PCDHGA6: variants seen among roughly 807,000 people sequenced by gnomAD.
The protein encoded by PCDHGA6 is protocadherin gamma subfamily A, 6.
A neutral mutation model predicts 60.6 loss-of-function variants in PCDHGA6; 41 were observed. The observed-to-expected ratio is 0.68, with a 90% CI of 0.53 to 0.88. The LOEUF is 0.88. Among genes scored for constraint, PCDHGA6 ranks in the 40% least tolerant of loss-of-function variants. The pLI, the probability that PCDHGA6 is intolerant of heterozygous loss-of-function variation, is 0.00. For missense variants in PCDHGA6, 1,312 were observed against 1,203.0 expected (o/e 1.09, Z -1.34); for synonymous variants, 594 against 524.4 (o/e 1.13, Z -1.81).
rs112078596 is a variant in PCDHGA6, at chr5:141,490,350, G to A, written c.2425-4457G>A. ...GCACACCAGTGGGCACAGTAGTGGG[G>A]TTGTTTAATGTGCGAGACCGGGACT... On this transcript the variant is annotated intron_variant, in intron 1 of 3. Coordinates refer to ENST00000517434, the MANE Select transcript of PCDHGA6 (RefSeq NM_018919.3). The surrounding 1 kb of genome is among the most constrained non-coding windows in gnomAD (Gnocchi z 5.4). 3.5e-5 allele frequency: 57 copies of A among 1,614,086 alleles called. No homozygotes were observed. The highest frequency in any genetic ancestry group is 4.6e-5 in the Non-Finnish European group (54 of 1,180,042).
chr5:141,438,619 TATATATATATATATATACACAC>T (rs1408639052), intron 1 of PCDHGA6, among the ~76,000 whole-genome samples: 61 of 39,666 alleles, frequency 1.5e-3, no homozygotes, highest in African/African-American at 9.2e-3. Context: ...TATATATATA[TATATATATATATATATACACAC>T]ACACACACAC....
At chr5:141,415,641 T>TA (rs113784532) in intron 1 of PCDHGA6, 91,654 of 1,192,004 alleles carry the variant, frequency 0.077, 689 homozygotes, top group South Asian at 0.099. Context: ...TTACTTTTGT[T>TA]AAAAAAAAAA....
At chr5:141,501,016 G>A (rs1042009106) in intron 2 of PCDHGA6, among the ~76,000 whole-genome samples, 7 of 151,716 alleles carry the variant, frequency 4.6e-5, no homozygotes, top group Non-Finnish European at 1.0e-4. Context: ...CTACAGGCAC[G>A]CGCCACCACG....
At position 141,375,109 on chromosome 5, in the gene PCDHGA6, T is replaced by C. The variant is rs199796645; in HGVS notation, c.1026T>C (p.Asp342=). The C allele has an allele frequency of 4.0e-5, 65 of 1,613,834 alleles. No individual in the cohort carries two copies. The highest frequency in any genetic ancestry group is 5.3e-5 in the Non-Finnish European group (62 of 1,179,894). The change falls in exon 1 of 4, where the codon GAT becomes GAC. Residue 342 remains aspartate (D), a synonymous_variant. Coordinates refer to ENST00000517434, the MANE Select transcript of PCDHGA6 (RefSeq NM_018919.3). ...KVLITILDVN[D]NVPEVVVTSG... ...TAATAACTATCTTGGATGTCAATGA[T>C]AATGTACCAGAAGTGGTTGTTACAT...
intron 2 of PCDHGA6, among the ~76,000 whole-genome samples, chr5:141,499,301 TC>T (rs771049830): frequency 6.6e-6 from 1 of 152,166 alleles, no homozygotes; most frequent in Non-Finnish European, 1.5e-5. Context: ...CTACCATCCC[TC>T]CTCTGAGAGA....
chr5:141,376,761 A>G (rs1179580742), intron 1 of PCDHGA6: 1 of 431,306 alleles, frequency 2.3e-6, no homozygotes, highest in African/African-American at 2.3e-5. Flanking sequence ...ATCTCGGCTC[A>G]CTGCAAGCTC....
intron 1 of PCDHGA6, chr5:141,414,361 T>G: frequency 6.2e-7 from 1 of 1,613,876 alleles, no homozygotes; most frequent in Non-Finnish European, 8.5e-7. Context: ...GTATCTACCA[T>G]TTAAATTAGA....
chr5:141,475,616 G>A (rs2099366026), intron 1 of PCDHGA6, among the ~76,000 whole-genome samples: 1 of 152,206 alleles, frequency 6.6e-6, no homozygotes, highest in Admixed American at 6.5e-5. Flanking sequence ...GTAGTTTTCG[G>A]TTTGGTTCGA....
chr5:141,455,855 C>A (rs1267803457), intron 1 of PCDHGA6, among the ~76,000 whole-genome samples: 4 of 147,088 alleles, frequency 2.7e-5, no homozygotes, highest in African/African-American at 1.0e-4. Flanking sequence ...AAAATAATTT[C>A]TTTTATTATT....
intron 1 of PCDHGA6, among the ~76,000 whole-genome samples, chr5:141,426,005 G>A (rs189148799): frequency 4.1e-4 from 63 of 152,202 alleles, no homozygotes; most frequent in Admixed American, 2.1e-3. Flanking sequence ...AAAGGCTTCC[G>A]GCTGCAGTTT....
At chr5:141,400,467 ATCTGGGGCCTTATT>A in intron 1 of PCDHGA6, 1 of 1,614,042 alleles carries the variant, frequency 6.2e-7, no homozygotes, top group Non-Finnish European at 8.5e-7. Flanking sequence ...GTGGTGATTC[ATCTGGGGCCTTATT>A]TCCACTTTGT....
In PCDHGA6 at chr5:141,374,222, A is replaced by G. The variant is rs1770285698; in HGVS notation, c.139A>G (p.Asn47Asp). 1.2e-6 allele frequency: 2 copies of G among 1,613,902 alleles called. No individual in the cohort carries two copies. The highest frequency in any genetic ancestry group is 1.1e-5 in the South Asian group (1 of 91,094). The change falls in exon 1 of 4, where the codon AAC (asparagine) becomes GAC (aspartate). Residue 47 changes from asparagine (N) to aspartate (D), a missense_variant. By Grantham distance (23) the Asn-to-Asp change is conservative. Coordinates refer to ENST00000517434, the MANE Select transcript of PCDHGA6 (RefSeq NM_018919.3). ...GCTGGAGAAAGGCTCCTTCGTAGGC[A>G]ACATCGTCAAGGATCTGGGACTGGA... The part of the protein sequence containing the change: ...EELEKGSFVG[N>D]IVKDLGLEPQ...
At chr5:141,384,748 T>C in intron 1 of PCDHGA6, 1 of 1,613,966 alleles carries the variant, frequency 6.2e-7, no homozygotes, top group African/African-American at 1.3e-5. Flanking sequence ...GCCAGGACTC[T>C]TTGCGGTTGG....
chr5:141,457,635 T>G (rs1242403589), intron 1 of PCDHGA6, among the ~76,000 whole-genome samples: 2 of 152,270 alleles, frequency 1.3e-5, no homozygotes, highest in African/African-American at 4.8e-5. Flanking sequence ...ATACTTGGCC[T>G]GATTATTTGC....
At position 141,427,886 on chromosome 5, in the gene PCDHGA6, C is replaced by T. The variant is rs908553179; in HGVS notation, c.2424+51379C>T. The T allele has an allele frequency of 1.9e-6, 3 of 1,565,276 alleles. 1 individual carries two copies. On this transcript the variant is annotated intron_variant, in intron 1 of 3. Coordinates refer to ENST00000517434, the MANE Select transcript of PCDHGA6 (RefSeq NM_018919.3). ...TCGAGCTCACGATGCAGGCCCACGA[C>T]CAGGGCTCGCCCGCGCTCAGCGCCA...
Position 141,390,370 on chromosome 5 carries a change from A to T in PCDHGA6, c.2424+13863A>T, listed in dbSNP as rs1252386186. On this transcript the variant is annotated intron_variant, in intron 1 of 3. Coordinates refer to ENST00000517434, the MANE Select transcript of PCDHGA6 (RefSeq NM_018919.3). ...AATATACATATTTGCAGGAAAATAT[A>T]TAATTTTTAGATGTCATGGATCATT... 4 of 1,504,066 alleles carry T rather than the reference A, an allele frequency of 2.7e-6. No individual in the cohort carries two copies. In the African/African-American group the frequency reaches 4.2e-5, roughly 16 times the overall value. The allele number at this position is 1,504,066 out of a possible 1,614,324, so 93.2% of individuals were successfully genotyped here. A position where few individuals can be genotyped will look rare whatever the true frequency, so the allele number is the denominator to read the frequency against.
Position 141,504,677 on chromosome 5 carries a change from T to C in PCDHGA6, c.2484-716T>C, listed in dbSNP as rs552242248. 4.7e-5 allele frequency among the ~76,000 whole-genome samples: 7 copies of C among 147,580 alleles called. No homozygotes were observed. In the East Asian group the frequency reaches 1.5e-3, roughly 31 times the overall value. ...TTTGAGGGCGGGGGGTGGGGGTTCT[T>C]GTAAAATAGGAGGGGCAGGTTCTTC... On this transcript the variant is annotated intron_variant, in intron 2 of 3. Transcript: ENST00000517434.
At chr5:141,472,347 C>G (rs992566469) in intron 1 of PCDHGA6, among the ~76,000 whole-genome samples, 11 of 152,028 alleles carry the variant, frequency 7.2e-5, no homozygotes, top group Non-Finnish European at 1.2e-4. Context: ...CGAGACCATC[C>G]TGGCTAACAC....
rs999687684 is a variant in PCDHGA6, at chr5:141,431,598, C to T, written c.2424+55091C>T. 1 of 1,614,192 alleles carries T rather than the reference C, an allele frequency of 6.2e-7. No homozygotes were observed. The highest frequency in any genetic ancestry group is 8.5e-7 in the Non-Finnish European group (1 of 1,180,046). ...GGAGTCAATGCGGAAGTGAGGTATT[C>T]CTTCCGGTATGTGGACGACAAGGCG... is the stretch of plus-strand genomic sequence containing the variant. On this transcript the variant is annotated intron_variant, in intron 1 of 3. Coordinates refer to ENST00000517434, the MANE Select transcript of PCDHGA6 (RefSeq NM_018919.3). This position sits in a 1 kb window ranked among gnomAD's most constrained non-coding sequence, Gnocchi z 4.8.
Sources: gnomAD v4.1 joint callset for allele counts (sites outside exome capture counted in the v4.1 genomes callset) on GRCh38, gnomAD v4.1.1 for gene constraint, Gnocchi (gnomAD v3.1) non-coding constraint, MANE v1.5 for transcripts, NCBI Gene and HGNC (gene_info 2026-07-23, HGNC 2026-07-21) for gene names.